Variants in STPG2 observed in about 807,000 individuals in gnomAD.
STPG2 encodes the protein sperm tail PG-rich repeat containing 2, also known as sperm-tail PG-rich repeat-containing protein 2.
In STPG2, 56 loss-of-function variants were observed where a neutral mutation model predicts 54.2. That is an observed-to-expected ratio of 1.03 (90% CI 0.83 to 1.29). The LOEUF (loss-of-function observed/expected upper bound fraction) is 1.29. Ranked by LOEUF, STPG2 falls within the 50% of genes most tolerant of loss-of-function variation. The pLI, the probability that STPG2 is intolerant of heterozygous loss-of-function variation, is 0.00. For synonymous variants in STPG2, 200 were observed against 181.8 expected, an observed-to-expected ratio of 1.10 and a Z score of -0.81; for missense variants, 596 against 544.9, an observed-to-expected ratio of 1.09 and a Z score of -0.93.
At chr4:97,466,973 C>T (rs895114295) in intron 4 of STPG2, among the ~76,000 whole-genome samples, 7 of 151,724 alleles carry the variant, frequency 4.6e-5, no homozygotes, top group African/African-American at 9.7e-5. Flanking sequence ...TAGTCAAAAC[C>T]GACAAATGTG....
chr4:97,701,500 A>G (rs1723773198), intron 10 of STPG2, among the ~76,000 whole-genome samples: 1 of 152,150 alleles, frequency 6.6e-6, no homozygotes, highest in Non-Finnish European at 1.5e-5. Context: ...GGAAGGATGG[A>G]AAAAAGATTA....
chr4:97,608,014 A>G (rs1429915457), intron 10 of STPG2, among the ~76,000 whole-genome samples: 2 of 151,970 alleles, frequency 1.3e-5, no homozygotes, highest in Non-Finnish European at 2.9e-5. Context: ...CCATCCCTAT[A>G]AAGTCCAAAC....
In STPG2 at chr4:97,734,869, G is replaced by A. The variant is rs1022563025; in HGVS notation, c.1205-22055C>T. The stretch of plus-strand genomic sequence containing the variant: ...AGGTGGATCACAAGGTCAGCAGATC[G>A]AGACCATCCTGGCTAACATGGTGAA... On this transcript the variant is annotated intron_variant, in intron 9 of 10. Coordinates refer to ENST00000295268, the MANE Select transcript of STPG2 (RefSeq NM_174952.3). 5.2e-4 allele frequency among the ~76,000 whole-genome samples: 79 copies of A among 152,122 alleles called. 1 individual carries two copies. Among genetic ancestry groups the A allele is most frequent in the East Asian group, 9.7e-4 (5 of 5,146 alleles).
intron 9 of STPG2, among the ~76,000 whole-genome samples, chr4:97,781,910 T>G (rs1726639757): frequency 6.6e-6 from 1 of 152,128 alleles, no homozygotes; most frequent in Non-Finnish European, 1.5e-5. Flanking sequence ...TCTCAAGAAA[T>G]TAGGTATTGA....
intron 10 of STPG2, among the ~76,000 whole-genome samples, chr4:97,683,343 C>A (rs1478455771): frequency 1.3e-5 from 2 of 151,716 alleles, no homozygotes; most frequent in African/African-American, 4.8e-5. Context: ...AATCATGCTT[C>A]ATAAATCAAT....
At chr4:97,511,126 A>G (rs1337458612) in intron 4 of STPG2, among the ~76,000 whole-genome samples, 1 of 152,134 alleles carries the variant, frequency 6.6e-6, no homozygotes, top group African/African-American at 2.4e-5. Flanking sequence ...AATTATGTAA[A>G]TTCAAAAAGT....
intron 10 of STPG2, among the ~76,000 whole-genome samples, chr4:97,647,620 C>A (rs570460831): frequency 3.3e-5 from 5 of 152,158 alleles, no homozygotes; most frequent in Admixed American, 2.6e-4. Context: ...GAGTCAAGGT[C>A]CCAAAAGGGG....
chr4:98,125,459 C>A (rs984509805), intron 3 of STPG2, among the ~76,000 whole-genome samples: 1 of 152,134 alleles, frequency 6.6e-6, no homozygotes. Context: ...GGGGTCCACA[C>A]CCTATTTGCC....
At chr4:97,977,623 T>A (rs1734540159) in intron 6 of STPG2, among the ~76,000 whole-genome samples, 1 of 152,182 alleles carries the variant, frequency 6.6e-6, no homozygotes, top group Non-Finnish European at 1.5e-5. Flanking sequence ...GATCAATCTG[T>A]AAAGCAAATG....
At chr4:97,572,432 G>A (rs556058879) in intron 10 of STPG2, among the ~76,000 whole-genome samples, 41 of 152,202 alleles carry the variant, frequency 2.7e-4, no homozygotes, top group Middle Eastern at 3.4e-3. Context: ...TGAAGATCTT[G>A]TATAAGTTGA....
At chr4:97,631,290 A>G (rs1043422570) in intron 10 of STPG2, among the ~76,000 whole-genome samples, 1 of 152,056 alleles carries the variant, frequency 6.6e-6, no homozygotes, top group Non-Finnish European at 1.5e-5. Context: ...TTCAAGTGTC[A>G]TAACTTGTTT....
intron 9 of STPG2, among the ~76,000 whole-genome samples, chr4:97,801,601 A>T (rs1727401847): frequency 6.6e-6 from 1 of 152,224 alleles, no homozygotes; most frequent in Non-Finnish European, 1.5e-5. Context: ...TGCTGTTCAG[A>T]AATAAAATTA....
intron 1 of STPG2, among the ~76,000 whole-genome samples, chr4:98,135,637 C>T (rs1160114467): frequency 6.6e-6 from 1 of 151,536 alleles, no homozygotes; most frequent in African/African-American, 2.4e-5. Flanking sequence ...ATGGTTTTAG[C>T]TGGTTATCCC....
At chr4:97,958,794 G>T (rs537958143) in intron 7 of STPG2, among the ~76,000 whole-genome samples, 14 of 152,194 alleles carry the variant, frequency 9.2e-5, no homozygotes, top group African/African-American at 2.9e-4. Context: ...AGTACTTCAC[G>T]CACAGCACTA....
chr4:98,132,644 G>T (rs1353946234), intron 2 of STPG2, among the ~76,000 whole-genome samples: 1 of 151,860 alleles, frequency 6.6e-6, no homozygotes, highest in East Asian at 1.9e-4. Flanking sequence ...TATAAAAGAA[G>T]CACTTTACAA....
At chr4:97,957,235 C>T (rs548385416) in intron 7 of STPG2, among the ~76,000 whole-genome samples, 2 of 133,102 alleles carry the variant, frequency 1.5e-5, no homozygotes, top group South Asian at 5.2e-4. Context: ...AAATAAAAAA[C>T]AATCAAAACT....
chr4:97,914,265 T>G (rs958875533), intron 8 of STPG2, among the ~76,000 whole-genome samples: 4 of 152,126 alleles, frequency 2.6e-5, no homozygotes, highest in Middle Eastern at 3.2e-3. Flanking sequence ...ACAACTAATC[T>G]GAGGATTCTC....
intron 8 of STPG2, among the ~76,000 whole-genome samples, chr4:97,897,490 C>G (rs974335267): frequency 1.3e-5 from 2 of 152,134 alleles, no homozygotes; most frequent in African/African-American, 4.8e-5. Context: ...ACCCTGTCTT[C>G]CACAATAGTT....
intron 4 of STPG2, among the ~76,000 whole-genome samples, chr4:97,537,241 C>T (rs183394580): frequency 6.3e-4 from 96 of 152,210 alleles, no homozygotes; most frequent in Non-Finnish European, 1.0e-3. Context: ...CAAAACAGGA[C>T]GAGGCATCAC....
Sources: allele counts gnomAD v4.1 joint callset (sites outside exome capture counted in the v4.1 genomes callset), GRCh38; gene constraint gnomAD v4.1.1; transcripts MANE v1.5; gene names NCBI Gene and HGNC (gene_info 2026-07-23, HGNC 2026-07-21).